The following KCNH8 variants were observed in gnomAD, a reference collection of about 807,000 sequenced individuals.
The protein encoded by KCNH8 is voltage-gated delayed rectifier potassium channel KCNH8.
KCNH8 carries 70 observed loss-of-function variants against 103.6 expected under a neutral mutation model. The observed-to-expected ratio is 0.68, with a 90% CI of 0.56 to 0.82. KCNH8 has a LOEUF of 0.82. KCNH8 is among the 40% of genes least tolerant of loss of function. KCNH8 has a pLI of 0.00. For missense variants in KCNH8, 1,217 were observed against 1,329.9 expected (o/e 0.92, Z 1.32); for synonymous variants, 498 against 489.4 (o/e 1.02, Z -0.23).
At chr3:19,196,387 C>T (rs967388154) in intron 1 of KCNH8, among the ~76,000 whole-genome samples, 8 of 151,666 alleles carry the variant, frequency 5.3e-5, no homozygotes, top group African/African-American at 1.9e-4. Context: ...AATCCAATAT[C>T]ATAGGTATTA....
intron 3 of KCNH8, among the ~76,000 whole-genome samples, chr3:19,342,199 A>G (rs1013122268): frequency 6.6e-6 from 1 of 152,130 alleles, no homozygotes; most frequent in East Asian, 1.9e-4. Flanking sequence ...CAGAGAAAAA[A>G]TAATTGTAAA....
intron 3 of KCNH8, among the ~76,000 whole-genome samples, chr3:19,288,789 C>A (rs1178700666): frequency 2.6e-5 from 4 of 152,150 alleles, no homozygotes; most frequent in Non-Finnish European, 5.9e-5. Context: ...AGTTCTAGAT[C>A]CCTGAGAATT....
intron 3 of KCNH8, among the ~76,000 whole-genome samples, chr3:19,318,000 A>G (rs1362192353): frequency 2.0e-5 from 3 of 152,014 alleles, no homozygotes. Flanking sequence ...AAAGAGAAAT[A>G]AAGCGTATTC....
chr3:19,516,377 C>G (rs910833452), intron 14 of KCNH8, among the ~76,000 whole-genome samples: 2 of 152,040 alleles, frequency 1.3e-5, no homozygotes, highest in African/African-American at 4.8e-5. Context: ...CTAAGGGATA[C>G]TTGTGAAATT....
At chr3:19,463,159 A>G (rs926962258) in intron 11 of KCNH8, among the ~76,000 whole-genome samples, 2 of 152,176 alleles carry the variant, frequency 1.3e-5, no homozygotes, top group African/African-American at 2.4e-5. Flanking sequence ...ATGCCATTTT[A>G]TATCAGGGCT....
In KCNH8 at chr3:19,535,533, T is replaced by C. The variant is rs1040670475; in HGVS notation, c.*1434T>C. ...ATGTTTTAGAACAGTTACAGTCTAA[T>C]TGTCTTGGACATTTTGGGAAGATAT... On this transcript the variant is annotated 3_prime_UTR_variant, in exon 16 of 16. Coordinates refer to ENST00000328405, the MANE Select transcript of KCNH8 (RefSeq NM_144633.3). 14 of 152,224 alleles carry C rather than the reference T, an allele frequency of 9.2e-5. 1 individual carries two copies. The highest frequency in any genetic ancestry group is 5.2e-4 in the Admixed American group (8 of 15,282). The allele number at this position is 152,224 out of a possible 1,614,324, so 9.4% of individuals were successfully genotyped here.
chr3:19,206,950 C>A (rs1370673923), intron 1 of KCNH8, among the ~76,000 whole-genome samples: 1 of 151,912 alleles, frequency 6.6e-6, no homozygotes, highest in Non-Finnish European at 1.5e-5. Flanking sequence ...GAGGAAATCA[C>A]GGGTTTGGTT....
chr3:19,296,492 T>C (rs899381387), intron 3 of KCNH8, among the ~76,000 whole-genome samples: 1 of 152,240 alleles, frequency 6.6e-6, no homozygotes, highest in Admixed American at 6.5e-5. Flanking sequence ...AGTTTTTTCA[T>C]GCATTCCTTT....
intron 3 of KCNH8, among the ~76,000 whole-genome samples, chr3:19,282,720 G>C (rs1365883781): frequency 6.6e-6 from 1 of 152,050 alleles, no homozygotes; most frequent in African/African-American, 2.4e-5. Flanking sequence ...TGTTAGGGGA[G>C]AAATCCCCAT....
intron 5 of KCNH8, among the ~76,000 whole-genome samples, chr3:19,354,412 C>G (rs575852794): frequency 6.6e-6 from 1 of 152,070 alleles, no homozygotes; most frequent in Non-Finnish European, 1.5e-5. Flanking sequence ...AAAAAGAGCC[C>G]GCATTGCCAA....
intron 3 of KCNH8, among the ~76,000 whole-genome samples, chr3:19,303,289 G>T (rs1402098477): frequency 6.6e-6 from 1 of 152,104 alleles, no homozygotes; most frequent in Admixed American, 6.6e-5. Flanking sequence ...ACAACCATGA[G>T]GAAATTTTTA....
intron 3 of KCNH8, among the ~76,000 whole-genome samples, chr3:19,304,894 G>A (rs1401378120): frequency 2.6e-5 from 4 of 152,008 alleles, no homozygotes; most frequent in East Asian, 1.9e-4. Flanking sequence ...GTTGCTAGCC[G>A]CCACTGTATT....
Position 19,264,448 on chromosome 3 carries a change from C to A in KCNH8, c.310+10561C>A, listed in dbSNP as rs192224069. ...CATGACTAAAGTTGAATTGCTTAAT[C>A]AATGAGCAGGAGTTTTACGTAAGTC... On this transcript the variant is annotated intron_variant, in intron 2 of 15. Transcript: ENST00000328405. Among the ~76,000 whole-genome samples, 476 of 152,228 alleles carry A rather than the reference C, an allele frequency of 3.1e-3. 3 individuals are homozygous for A. The highest frequency in any genetic ancestry group is 6.8e-3 in the Middle Eastern group (2 of 294).
At chr3:19,472,295 TACCATCCAGTAAAG>T (rs961909660) in intron 11 of KCNH8, among the ~76,000 whole-genome samples, 2 of 151,586 alleles carry the variant, frequency 1.3e-5, no homozygotes, top group African/African-American at 4.9e-5. Context: ...GCACTTTATA[TACCATCCAGTAAAG>T]CTTTTTCTTT....
chr3:19,357,457 A>T (rs916734254), intron 5 of KCNH8, among the ~76,000 whole-genome samples: 6 of 151,268 alleles, frequency 4.0e-5, no homozygotes, highest in African/African-American at 1.5e-4. Flanking sequence ...GTATTTTGTT[A>T]CTAATCATCA....
chr3:19,236,977 A>G (rs1271552860), intron 1 of KCNH8, among the ~76,000 whole-genome samples: 2 of 152,166 alleles, frequency 1.3e-5, no homozygotes, highest in Non-Finnish European at 2.9e-5. Flanking sequence ...TAGTTTATTT[A>G]TATGTTAATG....
At position 19,534,098 on chromosome 3, in the gene KCNH8, G is replaced by A; in HGVS notation, c.3323G>A (p.Ter1108=). 1 of 1,607,158 alleles carries A rather than the reference G, an allele frequency of 6.2e-7. No individual in the cohort carries two copies. The highest frequency in any genetic ancestry group is 2.2e-5 in the East Asian group (1 of 44,786). Residue 1108 remains the stop codon, a stop_retained_variant, in exon 16 of 16, where the codon TGA becomes TAA. Coordinates refer to ENST00000328405, the MANE Select transcript of KCNH8 (RefSeq NM_144633.3). The stretch of plus-strand genomic sequence containing the variant: ...AAAGATAACAAAGCCATAAATGTAT[G>A]ATATTAGTGCCCATGATGCAGCAGC... ...EVKDNKAINV[*] is the part of the protein sequence containing the mutation.
intron 3 of KCNH8, among the ~76,000 whole-genome samples, chr3:19,336,699 A>G (rs183634940): frequency 1.4e-4 from 21 of 152,026 alleles, no homozygotes; most frequent in Admixed American, 1.0e-3. Context: ...ACGTTTTTCA[A>G]TGCTATATAA....
intron 2 of KCNH8, among the ~76,000 whole-genome samples, chr3:19,278,464 AAG>A (rs2064708302): frequency 7.8e-6 from 1 of 127,656 alleles, no homozygotes; most frequent in East Asian, 2.7e-4. Context: ...GAAGGAAGGA[AAG>A]GGAAGGGAAG....
Sources: gnomAD v4.1 joint callset for allele counts (sites outside exome capture counted in the v4.1 genomes callset) on GRCh38, gnomAD v4.1.1 for gene constraint, MANE v1.5 for transcripts, NCBI Gene and HGNC (gene_info 2026-07-23, HGNC 2026-07-21) for gene names.